CLN8: variants seen among roughly 807,000 people sequenced by gnomAD.
CLN8 encodes protein CLN8.
In CLN8, 14 loss-of-function variants were observed where a neutral mutation model predicts 15.7. The ratio of observed to expected loss-of-function variants is 0.89; its 90% confidence interval spans 0.59 to 1.39. The LOEUF is 1.39. CLN8 is among the 40% of genes most tolerant of loss of function. The pLI is 0.00. For missense variants in CLN8, 415 were observed against 364.0 expected, an observed-to-expected ratio of 1.14 and a Z score of -1.14; for synonymous variants, 188 against 151.0, an observed-to-expected ratio of 1.25 and a Z score of -1.80.
intron 2 of CLN8, among the ~76,000 whole-genome samples, chr8:1,779,089 C>T (rs1801622472): frequency 6.6e-6 from 1 of 152,182 alleles, no homozygotes; most frequent in Admixed American, 6.5e-5. Context: ...TGTGTGGGTA[C>T]TTGAAGTACA....
At chr8:1,779,398 A>G (rs1353105501) in intron 2 of CLN8, among the ~76,000 whole-genome samples, 2 of 152,170 alleles carry the variant, frequency 1.3e-5, no homozygotes, top group African/African-American at 2.4e-5. Context: ...GTGCGCCACC[A>G]TGCCTGGCTA....
intron 2 of CLN8, among the ~76,000 whole-genome samples, chr8:1,772,377 C>T (rs975849439): frequency 6.6e-6 from 1 of 152,206 alleles, no homozygotes; most frequent in African/African-American, 2.4e-5. Context: ...CACTTTCTTT[C>T]TGTTTTTGAA....
Position 1,775,305 on chromosome 8 carries a change from G to C in CLN8, c.543+3708G>C, listed in dbSNP as rs139724898. Among the ~76,000 whole-genome samples the C allele has an allele frequency of 1.9e-3, 285 of 152,260 alleles. 2 individuals carry two copies. Among genetic ancestry groups the C allele is most frequent in the African/African-American group, 6.7e-3 (278 of 41,552 alleles). On this transcript the variant is annotated intron_variant, in intron 2 of 2. Coordinates refer to ENST00000331222, the MANE Select transcript of CLN8 (RefSeq NM_018941.4). ...AAGCCATTTTATATAAGGGACTTGA[G>C]CATCCGTGGCTTTGGGTATCTGCAG... is the stretch of plus-strand genomic sequence containing the variant.
chr8:1,775,734 T>TG (rs1801486580), intron 2 of CLN8, among the ~76,000 whole-genome samples: 1 of 152,192 alleles, frequency 6.6e-6, no homozygotes, highest in Non-Finnish European at 1.5e-5. Flanking sequence ...CATCACTGTG[T>TG]GGGGCCTTCC....
chr8:1,776,709 G>T (rs1001836925), intron 2 of CLN8, among the ~76,000 whole-genome samples: 1 of 152,228 alleles, frequency 6.6e-6, no homozygotes, highest in South Asian at 2.1e-4. Flanking sequence ...GGAAAACAGC[G>T]TGTGAGACTT....
At position 1,780,179 on chromosome 8, in the gene CLN8, C is replaced by T. The variant is rs111423027; in HGVS notation, c.544-71C>T. ...GTTTGGTAAGTAAGGTAGCAAATAC[C>T]TTTTTGTGATGTGAAGAATGAATTT... On this transcript the variant is annotated intron_variant, in intron 2 of 2. Coordinates refer to ENST00000331222, the MANE Select transcript of CLN8 (RefSeq NM_018941.4). 394 of 1,613,388 alleles carry T rather than the reference C, an allele frequency of 2.4e-4. No homozygotes were observed. In the African/African-American group the frequency reaches 4.9e-3, roughly 20 times the overall value.
chr8:1,771,562 A>T lies in CLN8; in HGVS notation c.508A>T (p.Thr170Ser). The T allele has an allele frequency of 6.2e-7, 1 of 1,614,032 alleles. No individual in the cohort carries two copies. The highest frequency in any genetic ancestry group is 8.5e-7 in the Non-Finnish European group (1 of 1,180,022). The change falls in exon 2 of 3, where the codon ACG becomes TCG. Residue 170 changes from threonine (T) to serine (S), a missense_variant. Physicochemically the swap from Thr to Ser is moderately conservative, Grantham distance 58 (BLOSUM62 1). Transcript: ENST00000331222. ...GACCACGTTGCTCCTGGAGATGAGC[A>T]CGCCCTTTACCTGCGTTTCCTGGAT... ...AMTTLLLEMS[T>S]PFTCVSWMLL... is the part of the protein sequence containing the mutation.
upstream of CLN8, chr8:1,763,752 G>GAACGCGCGTC (rs1563102127): frequency 1.4e-5 from 2 of 141,296 alleles, no homozygotes; most frequent in Non-Finnish European, 3.1e-5. Flanking sequence ...GCACGCGCGT[G>GAACGCGCGTC]CGAACGCGCG....
At chr8:1,758,246 A>G (rs1800717226) in intron 1 of CLN8, 1 of 152,212 alleles carries the variant, frequency 6.6e-6, no homozygotes, top group East Asian at 1.9e-4. Flanking sequence ...CTTTATTTCT[A>G]AGGTTTAATT....
chr8:1,780,710 G>A lies in CLN8; in HGVS notation c.*143G>A, dbSNP rs1801691654. On this transcript the variant is annotated 3_prime_UTR_variant, in exon 3 of 3. Transcript: ENST00000331222. ...GAAATACTAACTTTCTTTCGCATTA[G>A]TATTAATTTTGAAGTAGCTACAAAG... 5.4e-6 allele frequency: 4 copies of A among 738,070 alleles called. No homozygotes were observed. Among genetic ancestry groups the A allele is most frequent in the East Asian group, 2.7e-5 (1 of 37,296 alleles). The allele number at this position is 738,070 out of a possible 1,614,324, so 45.7% of individuals were successfully genotyped here. A position where few individuals can be genotyped will look rare whatever the true frequency, so the allele number is the denominator to read the frequency against.
upstream of CLN8, chr8:1,762,962 A>T (rs1430437770): frequency 6.6e-6 from 1 of 152,164 alleles, no homozygotes; most frequent in Non-Finnish European, 1.5e-5. Context: ...AGACAGAAGA[A>T]ACATAAGTAA....
chr8:1,780,004 A>G, intron 2 of CLN8: 1 of 985,496 alleles, frequency 1.0e-6, no homozygotes, highest in Non-Finnish European at 1.2e-6. Context: ...CCAAAGAGCA[A>G]GAGGAGCAGG....
rs368824736 is a variant in CLN8 at position 1,780,377 on chromosome 8, G to A, written c.671G>A (p.Ser224Asn). 2.8e-5 allele frequency: 46 copies of A among 1,614,240 alleles called. No homozygotes were observed. The highest frequency in any genetic ancestry group is 3.9e-5 in the Non-Finnish European group (46 of 1,180,044). The change falls in exon 3 of 3, where the codon AGC becomes AAC. Residue 224 changes from serine (S) to asparagine (N), a missense_variant. Coordinates refer to ENST00000331222, the MANE Select transcript of CLN8 (RefSeq NM_018941.4). ...VCFWHWDGLV[S>N]SLYLPHLTLF... ...TTCTGGCACTGGGACGGCCTGGTCA[G>A]CAGCCTGTATCTGCCTCATTTGACA...
At chr8:1,779,053 G>A (rs547875449) in intron 2 of CLN8, among the ~76,000 whole-genome samples, 2 of 152,272 alleles carry the variant, frequency 1.3e-5, no homozygotes, top group South Asian at 2.1e-4. Context: ...TTCAGTGAAT[G>A]CTCTACTGAA....
rs1368917299 is a variant in CLN8, at chr8:1,781,220, T to A, written c.*653T>A. On this transcript the variant is annotated 3_prime_UTR_variant, in exon 3 of 3. Transcript: ENST00000331222. Reference sequence around the variant, plus strand: ...TAAAATTACAAAAATTAGCCGGGTGTCGTGGCACACACCTGTAATCCCAGC... The same window carrying A: ...TAAAATTACAAAAATTAGCCGGGTGACGTGGCACACACCTGTAATCCCAGC... The A allele has an allele frequency of 2.6e-5, 4 of 152,480 alleles. No homozygotes were observed. Among genetic ancestry groups the A allele is most frequent in the Non-Finnish European group, 4.4e-5 (3 of 68,454 alleles). 9.4% of individuals were successfully genotyped at this position (152,480 alleles called of 1,614,324 possible).
At chr8:1,766,114 T>C (rs929853182) in intron 1 of CLN8, among the ~76,000 whole-genome samples, 1 of 152,166 alleles carries the variant, frequency 6.6e-6, no homozygotes. Flanking sequence ...ACACTCTTAC[T>C]GATGTGTTTG....
chr8:1,777,720 G>C (rs1801572854), intron 2 of CLN8, among the ~76,000 whole-genome samples: 1 of 152,092 alleles, frequency 6.6e-6, no homozygotes, highest in Non-Finnish European at 1.5e-5. Flanking sequence ...TCCACACCTT[G>C]TCCCACTGGA....
At chr8:1,755,066 G>T (rs1255875942), upstream of CLN8, among the ~76,000 whole-genome samples, 1 of 152,100 alleles carries the variant, frequency 6.6e-6, no homozygotes, top group Non-Finnish European at 1.5e-5. Flanking sequence ...GCTTCTAAGG[G>T]CCACTTCAGG....
chr8:1,765,339 A>G (rs1168894981), intron 1 of CLN8: 3 of 152,238 alleles, frequency 2.0e-5, no homozygotes, highest in African/African-American at 7.2e-5. Context: ...TTATGTAAAA[A>G]GAAGAGTTTA....
Sources: gnomAD v4.1 joint callset for allele counts (sites outside exome capture counted in the v4.1 genomes callset) on GRCh38, gnomAD v4.1.1 for gene constraint, MANE v1.5 for transcripts, NCBI Gene and HGNC (gene_info 2026-07-23, HGNC 2026-07-21) for gene names.